Variants in PCDHA2 observed in about 807,000 individuals in gnomAD.
PCDHA2 encodes the protein protocadherin alpha-2.
Under a neutral mutation model 66.0 loss-of-function variants are expected in PCDHA2, and 58 were observed. That is an observed-to-expected ratio of 0.88 (90% CI 0.71 to 1.09). The LOEUF is 1.09. Among genes scored for constraint, PCDHA2 ranks in the 50% least tolerant of loss-of-function variants. The pLI is 0.00. For synonymous variants in PCDHA2, 634 were observed against 554.0 expected (o/e 1.14, Z -2.03); for missense variants, 1,267 against 1,242.3 (o/e 1.02, Z -0.30).
chr5:140,959,622 A>T (rs1489618654), intron 1 of PCDHA2, among the ~76,000 whole-genome samples: 1 of 152,194 alleles, frequency 6.6e-6, no homozygotes, highest in Admixed American at 6.5e-5. Flanking sequence ...TTGTGATAGA[A>T]AAAAAGAGAG....
chr5:140,835,608 C>T (rs1554135105), intron 1 of PCDHA2: 3 of 1,613,898 alleles, frequency 1.9e-6, no homozygotes, highest in East Asian at 2.2e-5. Flanking sequence ...TTCATTGGTG[C>T]TGGACAGCGC....
At chr5:141,005,824 G>T (rs1380044629) in intron 3 of PCDHA2, among the ~76,000 whole-genome samples, 2 of 151,660 alleles carry the variant, frequency 1.3e-5, no homozygotes, top group African/African-American at 4.8e-5. Flanking sequence ...ATGGTGGCCT[G>T]TAGTCCCAGC....
At position 140,808,087 on chromosome 5, in the gene PCDHA2, A is replaced by G. The variant is rs782664292; in HGVS notation, c.2388+10735A>G. ...AGTTTCACATAGATCCAATTACTGG[A>G]CAAATTATTGTAAAGGGATATATTG... On this transcript the variant is annotated intron_variant, in intron 1 of 3. Transcript: ENST00000526136. The G allele has an allele frequency of 5.6e-6, 9 of 1,613,970 alleles. No individual in the cohort carries two copies. The South Asian group carries it at 9.9e-5, about 18-fold the overall frequency.
chr5:140,981,673 C>T (rs1184909774), intron 2 of PCDHA2, among the ~76,000 whole-genome samples: 1 of 152,108 alleles, frequency 6.6e-6, no homozygotes, highest in African/African-American at 2.4e-5. Flanking sequence ...TTCCTTTCTT[C>T]CTTCCTCCCT....
intron 1 of PCDHA2, chr5:140,825,909 C>T (rs1316504738): frequency 6.6e-6 from 1 of 152,370 alleles, no homozygotes; most frequent in Non-Finnish European, 1.5e-5. Flanking sequence ...TTTGAGACTA[C>T]GCTAGACAGG....
chr5:140,834,367 C>T (rs2150215817), intron 1 of PCDHA2: 2 of 1,554,312 alleles, frequency 1.3e-6, no homozygotes, highest in Admixed American at 2.0e-5. Flanking sequence ...ACTAGAAAAA[C>T]AAGCCAATAA....
chr5:140,875,687 G>T, intron 1 of PCDHA2: 10 of 1,614,012 alleles, frequency 6.2e-6, no homozygotes, highest in Non-Finnish European at 8.5e-6. Context: ...AAAAGACACG[G>T]GGACCTTCTG....
intron 1 of PCDHA2, among the ~76,000 whole-genome samples, chr5:140,942,596 A>G (rs116159999): frequency 2.2e-4 from 31 of 142,420 alleles, no homozygotes; most frequent in Admixed American, 2.0e-3. Flanking sequence ...ACATATAATT[A>G]TAGTGTTTAT....
chr5:140,857,442 A>G (rs1554150038), intron 1 of PCDHA2: 1 of 1,598,266 alleles, frequency 6.3e-7, no homozygotes, highest in African/African-American at 1.3e-5. Flanking sequence ...TTCGTGAAGG[A>G]GAACAACCCG....
chr5:140,869,240 G>A (rs1262436049), intron 1 of PCDHA2: 1 of 1,613,514 alleles, frequency 6.2e-7, no homozygotes, highest in African/African-American at 1.3e-5. Context: ...ACCTTCGTGG[G>A]CCGCATCGCG....
intron 1 of PCDHA2, chr5:140,852,884 T>A (rs1486240342): frequency 6.4e-6 from 6 of 931,694 alleles, no homozygotes; most frequent in Non-Finnish European, 7.8e-6. Context: ...TCATAAAACG[T>A]ATTTTTTTTT....
At chr5:140,967,758 A>G (rs781815948) in intron 1 of PCDHA2, 8 of 1,614,162 alleles carry the variant, frequency 5.0e-6, no homozygotes, top group Non-Finnish European at 5.9e-6. Context: ...GCCTCCTCCT[A>G]CCAGATCTAT....
intron 1 of PCDHA2, among the ~76,000 whole-genome samples, chr5:140,798,713 G>A (rs574253154): frequency 2.6e-5 from 4 of 152,264 alleles, no homozygotes; most frequent in African/African-American, 9.6e-5. Flanking sequence ...GCCTGGTCTT[G>A]GATGACTACA....
intron 1 of PCDHA2, among the ~76,000 whole-genome samples, chr5:140,915,886 T>G (rs1259377999): frequency 2.6e-5 from 4 of 152,186 alleles, no homozygotes; most frequent in Admixed American, 6.5e-5. Flanking sequence ...GGGTAGCAAG[T>G]TCCCCCTGGC....
chr5:140,829,602 T>C, intron 1 of PCDHA2: 1 of 1,612,054 alleles, frequency 6.2e-7, no homozygotes, highest in Non-Finnish European at 8.5e-7. Flanking sequence ...GAGCGCGCGT[T>C]GTCGAGCTAC....
chr5:140,898,593 C>A (rs1236439193), intron 1 of PCDHA2, among the ~76,000 whole-genome samples: 13 of 152,146 alleles, frequency 8.5e-5, no homozygotes, highest in Admixed American at 1.3e-4. Flanking sequence ...GTTACTGTAG[C>A]CTTGTAGTAT....
chr5:140,923,209 G>C (rs1454479273), intron 1 of PCDHA2, among the ~76,000 whole-genome samples: 3 of 150,998 alleles, frequency 2.0e-5, no homozygotes, highest in Non-Finnish European at 4.4e-5. Flanking sequence ...GGAGGCTAAG[G>C]TGAAAGGATC....
At chr5:140,968,644 G>C (rs1554230935) in intron 1 of PCDHA2, 3 of 1,614,046 alleles carry the variant, frequency 1.9e-6, no homozygotes, top group African/African-American at 2.7e-5. Context: ...ATCTAGCCCA[G>C]ACTTCTGACC....
chr5:140,813,152 C>T (rs1337802214), intron 1 of PCDHA2: 1 of 152,080 alleles, frequency 6.6e-6, no homozygotes, highest in Non-Finnish European at 1.5e-5. Flanking sequence ...TCTGTTAGTT[C>T]CATTTCAGCT....
Sources: gnomAD v4.1 joint callset for allele counts (sites outside exome capture counted in the v4.1 genomes callset) on GRCh38, gnomAD v4.1.1 for gene constraint, MANE v1.5 for transcripts, NCBI Gene and HGNC (gene_info 2026-07-23, HGNC 2026-07-21) for gene names.